LNX1: variants seen among roughly 807,000 people sequenced by gnomAD.
LNX1 encodes ligand of numb-protein X 1.
LNX1 carries 54 observed loss-of-function variants against 68.4 expected under a neutral mutation model. That is an observed-to-expected ratio of 0.79 (90% CI 0.63 to 0.99). The LOEUF (loss-of-function observed/expected upper bound fraction) is 0.99, where lower values mean the gene tolerates loss of function less well. LNX1 is among the 50% of genes least tolerant of loss of function. The pLI, the probability that LNX1 is intolerant of heterozygous loss-of-function variation, is 0.00. For missense variants in LNX1, 906 were observed against 926.4 expected (o/e 0.98, Z 0.29); for synonymous variants, 336 against 350.0 (o/e 0.96, Z 0.45).
At chr4:53,468,010 A>G (rs1274629607) in intron 9 of LNX1, among the ~76,000 whole-genome samples, 3 of 152,174 alleles carry the variant, frequency 2.0e-5, no homozygotes, top group Admixed American at 6.5e-5. Context: ...GATAGTCCTC[A>G]AGAAGAGCAA....
At chr4:53,482,992 C>T (rs1050540777) in intron 6 of LNX1, among the ~76,000 whole-genome samples, 6 of 152,256 alleles carry the variant, frequency 3.9e-5, no homozygotes, top group African/African-American at 1.2e-4. Flanking sequence ...AAATATAGTA[C>T]TTATTGGAAA....
chr4:53,460,831 T>G lies in LNX1; in HGVS notation c.*76A>C, dbSNP rs1721898226. 1 of 1,325,912 alleles carries G rather than the reference T, an allele frequency of 7.5e-7. No individual in the cohort carries two copies. The highest frequency in any genetic ancestry group is 1.0e-6 in the Non-Finnish European group (1 of 961,980). 82.1% of individuals were successfully genotyped at this position (1,325,912 alleles called of 1,614,324 possible). A position where few individuals can be genotyped will look rare whatever the true frequency, so the allele number is the denominator to read the frequency against. On this transcript the variant is annotated 3_prime_UTR_variant, in exon 11 of 11. Transcript: ENST00000263925. ...GTATTCTTTCTTTAAATATAAAAACTGACAAGATAAATATAGTGTTTCAAC... is the reference window on the plus strand; with the variant it reads ...GTATTCTTTCTTTAAATATAAAAACGGACAAGATAAATATAGTGTTTCAAC...
chr4:53,644,059 A>T (rs1364560887), intron 1 of LNX1, among the ~76,000 whole-genome samples: 1 of 152,166 alleles, frequency 6.6e-6, no homozygotes, highest in Non-Finnish European at 1.5e-5. Context: ...CCCCGTGGGT[A>T]GACTGCACTT....
chr4:53,480,466 T>C (rs778664371), intron 7 of LNX1, among the ~76,000 whole-genome samples: 4 of 152,188 alleles, frequency 2.6e-5, no homozygotes, highest in African/African-American at 4.8e-5. Context: ...AATTAGTTAA[T>C]TGGATAAAAA....
chr4:53,535,619 A>G (rs1010109342), intron 2 of LNX1, among the ~76,000 whole-genome samples: 1 of 152,256 alleles, frequency 6.6e-6, no homozygotes, highest in African/African-American at 2.4e-5. Flanking sequence ...AATTATAAAA[A>G]TCATTGCAAT....
intron 1 of LNX1, among the ~76,000 whole-genome samples, chr4:53,577,426 C>T (rs1731562797): frequency 6.6e-6 from 1 of 152,104 alleles, no homozygotes; most frequent in African/African-American, 2.4e-5. Flanking sequence ...TGTTTCTGGG[C>T]CATTCCCTTG....
chr4:53,522,385 T>A (rs769573807), intron 2 of LNX1, among the ~76,000 whole-genome samples: 1 of 152,214 alleles, frequency 6.6e-6, no homozygotes, highest in Non-Finnish European at 1.5e-5. Context: ...GTCTACTAAA[T>A]GTAAGGCACC....
intron 2 of LNX1, among the ~76,000 whole-genome samples, chr4:53,608,646 C>A (rs1733325714): frequency 2.0e-5 from 3 of 151,996 alleles, no homozygotes; most frequent in African/African-American, 4.8e-5. Flanking sequence ...TTTTCTACCA[C>A]AAAGACATGC....
intron 2 of LNX1, among the ~76,000 whole-genome samples, chr4:53,550,878 G>T (rs368478340): frequency 5.9e-5 from 9 of 152,174 alleles, no homozygotes; most frequent in African/African-American, 1.7e-4. Context: ...AGACCAGGGC[G>T]TAATGGATAG....
chr4:53,523,196 T>G (rs1324129671), intron 2 of LNX1: 1 of 152,252 alleles, frequency 6.6e-6, no homozygotes, highest in African/African-American at 2.4e-5. Flanking sequence ...CATGGGTTTA[T>G]GTTCCTGACA....
At chr4:53,641,204 G>A (rs985440736) in intron 1 of LNX1, among the ~76,000 whole-genome samples, 11 of 151,942 alleles carry the variant, frequency 7.2e-5, no homozygotes, top group Admixed American at 2.0e-4. Context: ...GGGGAAGGGC[G>A]GGGTGGGGGG....
chr4:53,488,658 C>A (rs1223034119), intron 6 of LNX1, among the ~76,000 whole-genome samples: 1 of 152,092 alleles, frequency 6.6e-6, no homozygotes, highest in African/African-American at 2.4e-5. Context: ...AAAACTCAAT[C>A]GATTCCTGTC....
At chr4:53,646,772 T>C (rs1346866596) in intron 1 of LNX1, among the ~76,000 whole-genome samples, 1 of 152,350 alleles carries the variant, frequency 6.6e-6, no homozygotes, top group East Asian at 1.9e-4. Flanking sequence ...ACAGTTTCTT[T>C]GTAGAATAAA....
chr4:53,542,538 G>A (rs1366553468), intron 2 of LNX1, among the ~76,000 whole-genome samples: 2 of 152,134 alleles, frequency 1.3e-5, no homozygotes, highest in Non-Finnish European at 2.9e-5. Context: ...GATGACCTAG[G>A]AGCAAGTGTC....
At chr4:53,518,425 A>G (rs982825641) in intron 2 of LNX1, among the ~76,000 whole-genome samples, 3 of 152,160 alleles carry the variant, frequency 2.0e-5, no homozygotes, top group Admixed American at 6.5e-5. Context: ...TGTTTTTCCT[A>G]TCGGTTTACA....
At chr4:53,628,411 G>C (rs1446104147) in intron 1 of LNX1, among the ~76,000 whole-genome samples, 1 of 152,070 alleles carries the variant, frequency 6.6e-6, no homozygotes, top group Non-Finnish European at 1.5e-5. Flanking sequence ...CTAATCATCA[G>C]AGAAATGCAA....
intron 2 of LNX1, among the ~76,000 whole-genome samples, chr4:53,566,894 G>C (rs1398974695): frequency 2.0e-5 from 3 of 151,592 alleles, no homozygotes; most frequent in Non-Finnish European, 4.4e-5. Context: ...GATCAAAAGA[G>C]ACAAGGCCAT....
chr4:53,515,289 A>G (rs1200044430), intron 2 of LNX1, among the ~76,000 whole-genome samples: 1 of 152,258 alleles, frequency 6.6e-6, no homozygotes, highest in Admixed American at 6.5e-5. Context: ...TTGTGGCCAC[A>G]GAGCTATACA....
At chr4:53,635,473 C>T (rs901332327) in intron 1 of LNX1, among the ~76,000 whole-genome samples, 2 of 152,024 alleles carry the variant, frequency 1.3e-5, no homozygotes, top group African/African-American at 4.8e-5. Context: ...GTATTTTATA[C>T]TAATGAATAT....
Sources: allele counts gnomAD v4.1 joint callset (sites outside exome capture counted in the v4.1 genomes callset), GRCh38; gene constraint gnomAD v4.1.1; transcripts MANE v1.5; gene names NCBI Gene and HGNC (gene_info 2026-07-23, HGNC 2026-07-21).